The following SPOCK3 variants were observed in gnomAD, a reference collection of about 807,000 sequenced individuals.
The protein encoded by SPOCK3 is testican-3.
SPOCK3 carries 30 observed loss-of-function variants against 56.6 expected under a neutral mutation model. That is an observed-to-expected ratio of 0.53 (90% confidence interval 0.40 to 0.72). SPOCK3 has a LOEUF of 0.72. Ranked by LOEUF, SPOCK3 falls within the 30% of genes least tolerant of loss-of-function variation. The probability of loss-of-function intolerance (pLI) is 0.00; values close to 1 mark genes in which losing one functional copy is unlikely to be tolerated. For missense variants in SPOCK3, 527 were observed against 530.0 expected (o/e 0.99, Z 0.06); for synonymous variants, 196 against 183.3 (o/e 1.07, Z -0.56).
chr4:166,838,483 G>GT (rs1746862789), intron 6 of SPOCK3, among the ~76,000 whole-genome samples: 1 of 151,594 alleles, frequency 6.6e-6, no homozygotes, highest in South Asian at 2.1e-4. Flanking sequence ...AATCCATTGA[G>GT]TTTTTTATTT....
At chr4:167,222,772 TATAA>T (rs1157872619) in intron 2 of SPOCK3, among the ~76,000 whole-genome samples, 3 of 126,466 alleles carry the variant, frequency 2.4e-5, no homozygotes, top group East Asian at 2.3e-4. Context: ...TATATGAATA[TATAA>T]ATATATAAAC....
At chr4:166,885,850 C>G (rs1422024871) in intron 6 of SPOCK3, among the ~76,000 whole-genome samples, 1 of 151,968 alleles carries the variant, frequency 6.6e-6, no homozygotes, top group East Asian at 1.9e-4. Context: ...TTGAAACAAA[C>G]AGAAAATGTT....
intron 6 of SPOCK3, among the ~76,000 whole-genome samples, chr4:166,832,477 A>G (rs1424359268): frequency 6.6e-6 from 1 of 152,224 alleles, no homozygotes; most frequent in Non-Finnish European, 1.5e-5. Flanking sequence ...AATATAAATT[A>G]GTTCAGCTAC....
chr4:166,996,383 G>A (rs954306413), intron 4 of SPOCK3, among the ~76,000 whole-genome samples: 1 of 152,158 alleles, frequency 6.6e-6, no homozygotes. Context: ...CAGCAAGGGA[G>A]CATAAAACAC....
At chr4:166,894,085 A>G (rs17598884) in intron 5 of SPOCK3, among the ~76,000 whole-genome samples, 11,773 of 152,178 alleles carry the variant, frequency 0.077, 546 homozygotes, top group Non-Finnish European at 0.1. Flanking sequence ...AACAACATTA[A>G]AAACCCTCTG....
chr4:166,957,141 G>C (rs1322590246), intron 4 of SPOCK3, among the ~76,000 whole-genome samples: 2 of 152,150 alleles, frequency 1.3e-5, no homozygotes, highest in Non-Finnish European at 2.9e-5. Context: ...TGTAGTCCCA[G>C]CTACTGGGAG....
chr4:166,842,221 G>C (rs947051376), intron 6 of SPOCK3, among the ~76,000 whole-genome samples: 1 of 152,208 alleles, frequency 6.6e-6, no homozygotes, highest in Non-Finnish European at 1.5e-5. Context: ...CTTCCACGGT[G>C]AGGAAGAGGA....
intron 2 of SPOCK3, among the ~76,000 whole-genome samples, chr4:167,205,154 A>G (rs1351949926): frequency 9.2e-6 from 1 of 108,186 alleles, no homozygotes; most frequent in Non-Finnish European, 1.8e-5. Flanking sequence ...TATATATTTT[A>G]TATATATATA....
At position 166,825,675 on chromosome 4, in the gene SPOCK3, T is replaced by C. The variant is rs1225916373; in HGVS notation, c.590-33386A>G. Reference sequence around the variant, plus strand: ...CCAAAGTGGTATATTCAGGATGGAATATACCATAAAAAAAGTGGTATATTC... The same window carrying C: ...CCAAAGTGGTATATTCAGGATGGAACATACCATAAAAAAAGTGGTATATTC... On this transcript the variant is annotated intron_variant, in intron 6 of 10. Coordinates refer to ENST00000357545, the MANE Select transcript of SPOCK3 (RefSeq NM_001040159.2). Among the ~76,000 whole-genome samples, 3 of 151,978 alleles carry C rather than the reference T, an allele frequency of 2.0e-5. No individual in the cohort carries two copies. In the East Asian group the frequency reaches 5.8e-4, roughly 29 times the overall value.
chr4:166,874,483 CTG>C (rs1412358903), intron 6 of SPOCK3, among the ~76,000 whole-genome samples: 6 of 152,258 alleles, frequency 3.9e-5, no homozygotes, highest in South Asian at 4.1e-4. Flanking sequence ...GACATCGTAT[CTG>C]TGTATTCAAT....
intron 3 of SPOCK3, among the ~76,000 whole-genome samples, chr4:167,012,462 A>G (rs1750177244): frequency 6.6e-6 from 1 of 151,962 alleles, no homozygotes; most frequent in Non-Finnish European, 1.5e-5. Context: ...AACTTAAAGT[A>G]TTTAAGTTAC....
chr4:166,906,548 C>A (rs1736637707), intron 5 of SPOCK3, among the ~76,000 whole-genome samples: 2 of 149,454 alleles, frequency 1.3e-5, no homozygotes. Flanking sequence ...ATAGACCTAA[C>A]CCTAAAAGTT....
intron 3 of SPOCK3, among the ~76,000 whole-genome samples, chr4:167,041,719 T>A (rs767349120): frequency 2.0e-5 from 3 of 152,130 alleles, no homozygotes; most frequent in African/African-American, 7.2e-5. Flanking sequence ...CAAATAACAA[T>A]GTATTGTATG....
chr4:167,087,335 CCTAA>C (rs1758289276), intron 2 of SPOCK3, among the ~76,000 whole-genome samples: 2 of 151,732 alleles, frequency 1.3e-5, no homozygotes, highest in African/African-American at 2.4e-5. Flanking sequence ...TTTCTGCTTT[CCTAA>C]CTATCATATT....
At chr4:166,876,911 G>C (rs139482591) in intron 6 of SPOCK3, among the ~76,000 whole-genome samples, 202 of 151,698 alleles carry the variant, frequency 1.3e-3, no homozygotes, top group African/African-American at 4.8e-3. Context: ...AATTATCAGT[G>C]AGATAACTTT....
intron 6 of SPOCK3, among the ~76,000 whole-genome samples, chr4:166,837,694 A>G (rs754484820): frequency 6.6e-6 from 1 of 152,150 alleles, no homozygotes; most frequent in Non-Finnish European, 1.5e-5. Context: ...TCTATCCTCA[A>G]ACATAATTTA....
At chr4:166,762,036 C>T (rs909596295) in intron 7 of SPOCK3, among the ~76,000 whole-genome samples, 3 of 151,238 alleles carry the variant, frequency 2.0e-5, no homozygotes, top group Non-Finnish European at 4.4e-5. Context: ...AATGGTAATA[C>T]AAAGGTAAAA....
At chr4:166,947,563 T>G (rs1170315377) in intron 4 of SPOCK3, among the ~76,000 whole-genome samples, 1 of 152,172 alleles carries the variant, frequency 6.6e-6, no homozygotes, top group Non-Finnish European at 1.5e-5. Flanking sequence ...AATATGTTGC[T>G]ATTCCAATTA....
At chr4:166,798,180 C>T (rs1233873362) in intron 6 of SPOCK3, among the ~76,000 whole-genome samples, 3 of 152,164 alleles carry the variant, frequency 2.0e-5, no homozygotes, top group Non-Finnish European at 4.4e-5. Context: ...TTATTATACT[C>T]TACTTTTTAT....
Sources: allele counts gnomAD v4.1 joint callset (sites outside exome capture counted in the v4.1 genomes callset), GRCh38; gene constraint gnomAD v4.1.1; transcripts MANE v1.5; gene names NCBI Gene and HGNC (gene_info 2026-07-23, HGNC 2026-07-21).